Variants in PKHD1L1 observed in about 807,000 individuals in gnomAD.
The protein encoded by PKHD1L1 is PKHD1 like 1, also known as fibrocystin-L.
A neutral mutation model predicts 462.9 loss-of-function variants in PKHD1L1; 434 were observed. The ratio of observed to expected loss-of-function variants is 0.94; its 90% confidence interval spans 0.87 to 1.02. The LOEUF (loss-of-function observed/expected upper bound fraction) is 1.02. PKHD1L1 is among the 50% of genes least tolerant of loss of function. The pLI is 0.00. For missense variants in PKHD1L1, 5,202 were observed against 5,096.1 expected, an observed-to-expected ratio of 1.02 and a Z score of -0.63; for synonymous variants, 1,781 against 1,750.0, an observed-to-expected ratio of 1.02 and a Z score of -0.44.
Position 109,486,680 on chromosome 8 carries a change from A to G in PKHD1L1, c.9739A>G (p.Ser3247Gly), listed in dbSNP as rs1006038168. 1.2e-6 allele frequency: 2 copies of G among 1,612,296 alleles called. No individual in the cohort carries two copies. The highest frequency in any genetic ancestry group is 1.1e-5 in the South Asian group (1 of 91,018). Residue 3247 changes from serine (S) to glycine (G), a missense_variant, in exon 59 of 78, where the codon AGC (serine) becomes GGC (glycine). Ser to Gly is a moderately conservative substitution (Grantham distance 56). Transcript: ENST00000378402. ...ATACCATGTCCCTGGAACTGGTGAG[A>G]GCTACACGTTAGCAGCTGATGTTGG... is the stretch of plus-strand genomic sequence containing the variant. Reference protein sequence around the residue: ...EKYHVPGTGESYTLAADVGIL... With the variant: ...EKYHVPGTGEGYTLAADVGIL...
intron 39 of PKHD1L1, 121 bp downstream of exon 39, chr8:109,448,512 G>A: frequency 2.6e-6 from 3 of 1,173,466 alleles, no homozygotes; most frequent in Admixed American, 7.0e-5. Context: ...TTTTTTGTTT[G>A]TTTGGTTTTT....
chr8:109,399,564 GT>G (rs896979607), intron 12 of PKHD1L1, among the ~76,000 whole-genome samples: 5 of 151,790 alleles, frequency 3.3e-5, no homozygotes, highest in South Asian at 2.1e-4. Flanking sequence ...TAGAAGTAAT[GT>G]TTTTTTTAAA....
At chr8:109,493,585 G>A (rs761843906) in intron 62 of PKHD1L1, 76 bp from the exon 63 acceptor site, 1 of 907,910 alleles carries the variant, frequency 1.1e-6, no homozygotes, top group Non-Finnish European at 1.7e-6. Flanking sequence ...TAAGTGTATT[G>A]TCATATACTT....
chr8:109,363,948 A>T (rs1352148045), intron 1 of PKHD1L1, among the ~76,000 whole-genome samples: 1 of 152,206 alleles, frequency 6.6e-6, no homozygotes, highest in Non-Finnish European at 1.5e-5. Flanking sequence ...ACATTTATGT[A>T]TCTCCAGGAA....
At chr8:109,511,657 G>T (rs977436115) in intron 71 of PKHD1L1, among the ~76,000 whole-genome samples, 6 of 151,948 alleles carry the variant, frequency 3.9e-5, no homozygotes, top group Admixed American at 3.3e-4. Flanking sequence ...ATAAACATAC[G>T]TGTGCATGTG....
intron 28 of PKHD1L1, among the ~76,000 whole-genome samples, chr8:109,434,739 G>C (rs938396848): frequency 6.6e-6 from 1 of 152,116 alleles, no homozygotes; most frequent in Non-Finnish European, 1.5e-5. Flanking sequence ...AAAGTGCCGG[G>C]ATTACAGGCG....
chr8:109,397,619 G>T (rs968717493), intron 11 of PKHD1L1, among the ~76,000 whole-genome samples: 1 of 152,202 alleles, frequency 6.6e-6, no homozygotes, highest in Non-Finnish European at 1.5e-5. Context: ...GAACCCAGGA[G>T]GTGGAGGCTA....
At chr8:109,398,431 A>G (rs1447718310) in intron 11 of PKHD1L1, 28 bp from the exon 12 acceptor site, 1 of 1,338,102 alleles carries the variant, frequency 7.5e-7, no homozygotes, top group Non-Finnish European at 1.1e-6. Flanking sequence ...TTTCAGTAGT[A>G]ACGGTTTTGT....
At chr8:109,414,232 A>G (rs567406283) in intron 21 of PKHD1L1, among the ~76,000 whole-genome samples, 5 of 152,174 alleles carry the variant, frequency 3.3e-5, no homozygotes, top group Non-Finnish European at 7.4e-5. Context: ...ATACACAGAG[A>G]CACATACCTT....
At chr8:109,508,478 T>G (rs1001782150) in intron 70 of PKHD1L1, among the ~76,000 whole-genome samples, 6 of 151,666 alleles carry the variant, frequency 4.0e-5, no homozygotes, top group Admixed American at 2.6e-4. Context: ...AATTGGGCAT[T>G]AAAATAAAAA....
Position 109,404,443 on chromosome 8 carries a change from G to A in PKHD1L1, c.1374-111G>A, listed in dbSNP as rs1813423596. The A allele has an allele frequency of 6.5e-6, 4 of 613,172 alleles. No individual in the cohort carries two copies. The South Asian group carries it at 2.1e-4, about 33-fold the overall frequency. 38.0% of individuals were successfully genotyped at this position (613,172 alleles called of 1,614,324 possible). On this transcript the variant is annotated intron_variant, in intron 14 of 77. Transcript: ENST00000378402. The stretch of plus-strand genomic sequence containing the variant: ...TAAAATATGAGATACTACAATATAA[G>A]TCATTTAACAGGCAGGCTTTTAAGA...
rs371084216 is a variant in PKHD1L1, at chr8:109,442,892, T to A, written c.4394-54T>A. ...ATTTCAAATTGTTTTCAGTCTCTTT[T>A]CAAATATGCATTAATTGCTTATATT... On this transcript the variant is annotated intron_variant, in intron 35 of 77. Coordinates refer to ENST00000378402, the MANE Select transcript of PKHD1L1 (RefSeq NM_177531.6). 7.9e-6 allele frequency: 12 copies of A among 1,525,072 alleles called. No individual in the cohort carries two copies. In the African/African-American group the frequency reaches 1.6e-4, roughly 21 times the overall value. 94.5% of individuals were successfully genotyped at this position (1,525,072 alleles called of 1,614,324 possible).
chr8:109,443,609 C>T, intron 36 of PKHD1L1, 67 bp from the exon 37 acceptor site: 1 of 1,197,180 alleles, frequency 8.4e-7, no homozygotes, highest in African/African-American at 1.5e-5. Flanking sequence ...AAGAGTAACG[C>T]AGTTTGAAAA....
At chr8:109,518,070 G>A in intron 72 of PKHD1L1, 97 bp from the exon 73 acceptor site, 3 of 776,948 alleles carry the variant, frequency 3.9e-6, no homozygotes, top group Non-Finnish European at 5.9e-6. Flanking sequence ...GTTGAATTTG[G>A]GGGACTTTCT....
rs762366299 is a variant in PKHD1L1 at position 109,435,176 on chromosome 8, CT to C, written c.3341-7del. On this transcript the variant is annotated splice_polypyrimidine_tract_variant and intron_variant, in intron 28 of 77. Transcript: ENST00000378402. ...GATTTACCATTTTCTTCATCTTTTT[CT>C]TTTTTTCACAAGAAAAAGAGCTCAA... The C allele has an allele frequency of 6.2e-7, 1 of 1,610,434 alleles. No individual in the cohort carries two copies. The highest frequency in any genetic ancestry group is 1.7e-5 in the Admixed American group (1 of 59,378).
chr8:109,435,761 G>T (rs1815373185), intron 29 of PKHD1L1, among the ~76,000 whole-genome samples: 1 of 152,136 alleles, frequency 6.6e-6, no homozygotes, highest in African/African-American at 2.4e-5. Context: ...ACACAGGATG[G>T]AAAGAACATA....
intron 47 of PKHD1L1, among the ~76,000 whole-genome samples, chr8:109,460,544 G>A (rs890644635): frequency 2.6e-5 from 4 of 152,090 alleles, no homozygotes; most frequent in Non-Finnish European, 4.4e-5. Flanking sequence ...GTGGGGCACT[G>A]TCCTGTGCAT....
chr8:109,516,211 A>T (rs960252262), intron 72 of PKHD1L1, among the ~76,000 whole-genome samples: 1 of 152,124 alleles, frequency 6.6e-6, no homozygotes, highest in South Asian at 2.1e-4. Context: ...ATTTGCCAAG[A>T]TAGTGGTCTT....
intron 34 of PKHD1L1, 95 bp downstream of exon 34, chr8:109,441,474 CTAAG>C (rs962272803): frequency 3.8e-6 from 3 of 783,386 alleles, no homozygotes; most frequent in African/African-American, 3.6e-5. Context: ...TATTGAGAGA[CTAAG>C]TATTGTTATT....
Sources: allele counts gnomAD v4.1 joint callset (sites outside exome capture counted in the v4.1 genomes callset), GRCh38; gene constraint gnomAD v4.1.1; transcripts MANE v1.5; gene names NCBI Gene and HGNC (gene_info 2026-07-23, HGNC 2026-07-21).